Variants in GPR137 observed in about 807,000 individuals in gnomAD.
GPR137 encodes G protein-coupled receptor 137, also known as integral membrane protein GPR137.
A neutral mutation model predicts 38.9 loss-of-function variants in GPR137; 20 were observed. That is an observed-to-expected ratio of 0.51 (90% CI 0.36 to 0.75). The LOEUF is 0.75. Among genes scored for constraint, GPR137 ranks in the 30% least tolerant of loss-of-function variants. The pLI is 0.00. For synonymous variants in GPR137, 226 were observed against 235.8 expected (o/e 0.96, Z 0.38); for missense variants, 456 against 526.4 (o/e 0.87, Z 1.31).
In GPR137 at chr11:64,288,507, G is replaced by T; in HGVS notation, c.912+39G>T. 6.2e-7 allele frequency: 1 copy of T among 1,613,082 alleles called. No individual in the cohort carries two copies. Among genetic ancestry groups the T allele is most frequent in the South Asian group, 1.1e-5 (1 of 91,016 alleles). On this transcript the variant is annotated intron_variant, in intron 5 of 6. Transcript: ENST00000438980. The surrounding 1 kb of genome is among the most constrained non-coding windows in gnomAD (Gnocchi z 5.5). ...CCCTCTTCTGTGGGGCCAGTGGAGG[G>T]GGCGGATGTTGCAAATCCTGGGTTG... is the stretch of plus-strand genomic sequence containing the variant.
chr11:64,288,235 C>T lies in GPR137; in HGVS notation c.783+21C>T, dbSNP rs200423288. The T allele has an allele frequency of 2.9e-4, 467 of 1,610,872 alleles. No homozygotes were observed. Among genetic ancestry groups the T allele is most frequent in the Non-Finnish European group, 3.1e-4 (363 of 1,178,322 alleles). Reference sequence around the variant, plus strand: ...ACCAGGTGGGCATACGCATGTCTGCCACCTCCTTAGTAGCCGTGGCACCTT... The same window carrying T: ...ACCAGGTGGGCATACGCATGTCTGCTACCTCCTTAGTAGCCGTGGCACCTT... On this transcript the variant is annotated intron_variant, in intron 4 of 6. Transcript: ENST00000438980. This position sits in a 1 kb window ranked among gnomAD's most constrained non-coding sequence, Gnocchi z 5.5.
chr11:64,287,444 T>G (rs559702547), intron 2 of GPR137: 1 of 644,392 alleles, frequency 1.6e-6, no homozygotes, highest in East Asian at 1.4e-4. Context: ...ATGAAGAAAC[T>G]GAGGCCCAGC....
upstream of GPR137, among the ~76,000 whole-genome samples, chr11:64,280,340 A>ATAG (rs2033373740): frequency 7.4e-6 from 1 of 134,570 alleles, no homozygotes. Flanking sequence ...TAAAATAATA[A>ATAG]TAATAATAAT....
chr11:64,278,068 G>C (rs1295298411), intron 2 of GPR137, among the ~76,000 whole-genome samples: 1 of 152,102 alleles, frequency 6.6e-6, no homozygotes, highest in African/African-American at 2.4e-5. Context: ...CAAAAGGACT[G>C]CTTGAGGCCA....
upstream of GPR137, among the ~76,000 whole-genome samples, chr11:64,279,591 C>G (rs537562159): frequency 3.0e-4 from 46 of 151,308 alleles, no homozygotes; most frequent in Non-Finnish European, 5.9e-4. Context: ...ATGGTGAAAC[C>G]CCCGTCTCCA....
chr11:64,273,671 G>A (rs1299997916), upstream of GPR137, among the ~76,000 whole-genome samples: 2 of 151,938 alleles, frequency 1.3e-5, no homozygotes, highest in Non-Finnish European at 2.9e-5. Context: ...CACGAGGTCA[G>A]GAGTTTAAGA....
upstream of GPR137, among the ~76,000 whole-genome samples, chr11:64,274,372 G>T (rs1165587990): frequency 6.8e-6 from 1 of 147,366 alleles, no homozygotes; most frequent in Non-Finnish European, 1.5e-5. Flanking sequence ...GGGTGACAGA[G>T]TGAAACTCTA....
chr11:64,271,613 C>G, upstream of GPR137: 1 of 1,483,512 alleles, frequency 6.7e-7, no homozygotes, highest in South Asian at 1.3e-5. Context: ...TGGCGCTCAC[C>G]TTAAAGGAGT....
chr11:64,277,615 A>C (rs2033162038), intron 2 of GPR137, among the ~76,000 whole-genome samples: 1 of 152,080 alleles, frequency 6.6e-6, no homozygotes, highest in African/African-American at 2.4e-5. Flanking sequence ...TTAATTTAAA[A>C]AATTTTTAGA....
upstream of GPR137, chr11:64,272,005 C>G (rs2032666723): frequency 2.4e-6 from 1 of 412,900 alleles, no homozygotes; most frequent in Admixed American, 4.3e-5. Context: ...TTTAGGTTAA[C>G]TTCTCATTAA....
At chr11:64,287,041 C>T (rs1236071433) in intron 2 of GPR137, 27 bp downstream of exon 2, 2 of 1,609,456 alleles carry the variant, frequency 1.2e-6, no homozygotes, top group East Asian at 4.5e-5. Context: ...CTGGTGGGCT[C>T]AGCCTCCAGG....
intron 2 of GPR137, 123 bp downstream of exon 2, chr11:64,287,137 T>A: frequency 6.7e-7 from 1 of 1,487,016 alleles, no homozygotes; most frequent in Admixed American, 2.3e-5. Context: ...CTGTGGAAGA[T>A]CTTGGAAAAG....
At chr11:64,285,619 C>T (rs1031192948), upstream of GPR137, 1 of 985,024 alleles carries the variant, frequency 1.0e-6, no homozygotes, top group Non-Finnish European at 1.2e-6. Flanking sequence ...TAAAGGCGGG[C>T]GGCACGGGGC....
upstream of GPR137, chr11:64,270,782 G>A: frequency 2.4e-6 from 1 of 420,290 alleles, no homozygotes; most frequent in Non-Finnish European, 4.8e-6. Context: ...GCGACAGAGC[G>A]CACAGGTGCC....
upstream of GPR137, among the ~76,000 whole-genome samples, chr11:64,283,760 A>C (rs2033642076): frequency 6.6e-6 from 1 of 152,084 alleles, no homozygotes; most frequent in South Asian, 2.1e-4. Flanking sequence ...CCTGCCTGTC[A>C]CTGATTTCTG....
upstream of GPR137, chr11:64,284,267 G>A: frequency 1.9e-6 from 3 of 1,611,318 alleles, no homozygotes; most frequent in South Asian, 1.1e-5. Flanking sequence ...GATGCTTGCC[G>A]GAGCCTGAGG....
Position 64,286,632 on chromosome 11 carries a change from G to T in GPR137, c.108G>T (p.Leu36=). ...CTGCCTACACCACCCTGTATGCCCT[G>T]CTCTTCTTCTCCGTCTATGCCCAGC... ...LTAAYTTLYA[L]LFFSVYAQLW... The change falls in exon 1 of 7, where the codon CTG becomes CTT. Residue 36 remains leucine, a synonymous_variant. Coordinates refer to ENST00000438980, the MANE Select transcript of GPR137 (RefSeq NM_001170880.2). 6.2e-7 allele frequency: 1 copy of T among 1,614,062 alleles called. No homozygotes were observed. The highest frequency in any genetic ancestry group is 8.5e-7 in the Non-Finnish European group (1 of 1,179,986).
At chr11:64,278,557 G>A (rs671976) in intron 2 of GPR137, among the ~76,000 whole-genome samples, 77,192 of 151,868 alleles carry the variant, frequency 0.51, 20,008 homozygotes, top group East Asian at 0.69. Flanking sequence ...TTCTATTCCC[G>A]TTTACAGATG....
At chr11:64,279,271 C>A (rs1248192483) in intron 2 of GPR137, among the ~76,000 whole-genome samples, 3 of 151,948 alleles carry the variant, frequency 2.0e-5, no homozygotes, top group Non-Finnish European at 2.9e-5. Context: ...ACCCCAACTC[C>A]AACGATGCTG....
Sources: gnomAD v4.1 joint callset for allele counts (sites outside exome capture counted in the v4.1 genomes callset) on GRCh38, gnomAD v4.1.1 for gene constraint, Gnocchi (gnomAD v3.1) non-coding constraint, MANE v1.5 for transcripts, NCBI Gene and HGNC (gene_info 2026-07-23, HGNC 2026-07-21) for gene names.